GRIK1: variants seen among roughly 807,000 people sequenced by gnomAD.
GRIK1 encodes the protein glutamate receptor ionotropic, kainate 1.
A neutral mutation model predicts 105.7 loss-of-function variants in GRIK1; 69 were observed. The ratio of observed to expected loss-of-function variants is 0.65; its 90% CI spans 0.54 to 0.80. The LOEUF (loss-of-function observed/expected upper bound fraction) is 0.80, where lower values mean the gene tolerates loss of function less well. Ranked by LOEUF, GRIK1 falls within the 30% of genes least tolerant of loss-of-function variation. The pLI is 0.00. For synonymous variants in GRIK1, 438 were observed against 431.3 expected (o/e 1.02, Z -0.19); for missense variants, 1,109 against 1,167.3 (o/e 0.95, Z 0.73).
intron 1 of GRIK1, among the ~76,000 whole-genome samples, chr21:29,779,881 A>G (rs768978160): frequency 5.3e-5 from 8 of 152,234 alleles, no homozygotes; most frequent in Non-Finnish European, 1.0e-4. Context: ...CTAATTACTT[A>G]TATGACTGTG....
At chr21:29,682,926 C>A (rs1156352822) in intron 3 of GRIK1, among the ~76,000 whole-genome samples, 1 of 147,498 alleles carries the variant, frequency 6.8e-6, no homozygotes, top group Non-Finnish European at 1.5e-5. Flanking sequence ...GAACTTACAT[C>A]AACAAACAAA....
intron 1 of GRIK1, among the ~76,000 whole-genome samples, chr21:29,749,334 T>C (rs959621359): frequency 2.0e-5 from 3 of 152,208 alleles, no homozygotes; most frequent in Non-Finnish European, 2.9e-5. Flanking sequence ...GACTGGATGA[T>C]AGAAAGCTCA....
intron 1 of GRIK1, among the ~76,000 whole-genome samples, chr21:29,879,616 C>T (rs372802612): frequency 1.3e-5 from 2 of 152,046 alleles, no homozygotes; most frequent in Non-Finnish European, 1.5e-5. Flanking sequence ...GTAATTGTAA[C>T]GTTGATTCAT....
chr21:29,923,966 A>G (rs566382293), intron 1 of GRIK1, among the ~76,000 whole-genome samples: 1 of 152,364 alleles, frequency 6.6e-6, no homozygotes, highest in South Asian at 2.1e-4. Context: ...CAAGTACCAA[A>G]TACAAAATCT....
chr21:29,788,997 A>G (rs1407914391), intron 1 of GRIK1, among the ~76,000 whole-genome samples: 1 of 152,188 alleles, frequency 6.6e-6, no homozygotes, highest in Admixed American at 6.5e-5. Flanking sequence ...CACATGGCCC[A>G]TTGGTTGGGG....
chr21:29,585,911 A>G (rs1489036374), intron 12 of GRIK1, among the ~76,000 whole-genome samples: 1 of 152,134 alleles, frequency 6.6e-6, no homozygotes, highest in Non-Finnish European at 1.5e-5. Flanking sequence ...TTTGGAGTGA[A>G]TAATTCTTTT....
chr21:29,620,098 G>A (rs1471740114), intron 7 of GRIK1, among the ~76,000 whole-genome samples: 8 of 152,260 alleles, frequency 5.3e-5, no homozygotes, highest in East Asian at 3.9e-4. Context: ...AAAGATGTGC[G>A]TGTATAAGGC....
intron 1 of GRIK1, among the ~76,000 whole-genome samples, chr21:29,841,947 C>T (rs912498397): frequency 2.0e-5 from 3 of 152,128 alleles, no homozygotes; most frequent in Non-Finnish European, 4.4e-5. Context: ...TTCTCACGTG[C>T]AACTCTTCTT....
At chr21:29,673,297 T>A in intron 3 of GRIK1, 133 bp from the exon 4 acceptor site, 3 of 549,190 alleles carry the variant, frequency 5.5e-6, no homozygotes, top group Non-Finnish European at 9.6e-6. Context: ...CACTCCTGAC[T>A]TCCCATTTGT....
chr21:29,739,531 G>A (rs115912502), intron 1 of GRIK1, among the ~76,000 whole-genome samples: 2,301 of 152,260 alleles, frequency 0.015, 66 homozygotes, highest in African/African-American at 0.053. Context: ...CCAAGCCAGG[G>A]CAGTTAGCTG....
At chr21:29,935,777 T>A (rs550370717) in intron 1 of GRIK1, among the ~76,000 whole-genome samples, 4,414 of 152,302 alleles carry the variant, frequency 0.029, 214 homozygotes, top group African/African-American at 0.1. Context: ...GAAATTAGTG[T>A]ATTTCATCTT....
intron 15 of GRIK1, among the ~76,000 whole-genome samples, chr21:29,561,004 AC>A (rs2090467399): frequency 6.6e-6 from 1 of 152,248 alleles, no homozygotes; most frequent in African/African-American, 2.4e-5. Flanking sequence ...CTATAGACGT[AC>A]AAGAATGCAT....
At chr21:29,547,306 C>T (rs1235695497) in intron 16 of GRIK1, among the ~76,000 whole-genome samples, 1 of 152,190 alleles carries the variant, frequency 6.6e-6, no homozygotes, top group Non-Finnish European at 1.5e-5. Context: ...ACTGGCAGGA[C>T]ACAGTCATTC....
intron 13 of GRIK1, 23 bp from the exon 14 acceptor site, chr21:29,577,204 A>G (rs1029101593): frequency 2.2e-6 from 3 of 1,337,646 alleles, no homozygotes; most frequent in East Asian, 4.6e-5. Context: ...CATCAGAGTA[A>G]GGGTGTTAAA....
chr21:29,889,326 T>G (rs1460232324), intron 1 of GRIK1, among the ~76,000 whole-genome samples: 2 of 152,168 alleles, frequency 1.3e-5, no homozygotes, highest in Non-Finnish European at 2.9e-5. Flanking sequence ...TATTTGTCCT[T>G]CTTTCCATTC....
intron 7 of GRIK1, among the ~76,000 whole-genome samples, chr21:29,627,141 T>C (rs913022815): frequency 6.6e-6 from 1 of 152,230 alleles, no homozygotes; most frequent in East Asian, 1.9e-4. Context: ...CTAGCTATTA[T>C]CTTAACTATT....
At chr21:29,539,945 C>G (rs961588439) in intron 16 of GRIK1, among the ~76,000 whole-genome samples, 3 of 152,182 alleles carry the variant, frequency 2.0e-5, no homozygotes, top group Non-Finnish European at 4.4e-5. Context: ...TATTTTTTAT[C>G]ACTATAGATA....
intron 1 of GRIK1, among the ~76,000 whole-genome samples, chr21:29,850,885 A>G (rs751448660): frequency 6.6e-6 from 1 of 152,170 alleles, no homozygotes; most frequent in Non-Finnish European, 1.5e-5. Context: ...GAAATTTAAT[A>G]TTTTAGAAGA....
At chr21:29,859,052 G>A (rs767476389) in intron 1 of GRIK1, among the ~76,000 whole-genome samples, 80 of 151,592 alleles carry the variant, frequency 5.3e-4, no homozygotes, top group Non-Finnish European at 1.0e-3. Context: ...ATGAGTTCAT[G>A]TCCTTTGTAG....
Sources: gnomAD v4.1 joint callset for allele counts (sites outside exome capture counted in the v4.1 genomes callset) on GRCh38, gnomAD v4.1.1 for gene constraint, MANE v1.5 for transcripts, NCBI Gene and HGNC (gene_info 2026-07-23, HGNC 2026-07-21) for gene names.